Variants in BCL2 observed in about 807,000 individuals in gnomAD.
The protein encoded by BCL2 is BCL2 apoptosis regulator.
In BCL2, 1 loss-of-function variant was observed where a neutral mutation model predicts 14.2. The observed-to-expected ratio is 0.07, with a 90% CI of 0.02 to 0.33. The LOEUF is 0.33. BCL2 is among the 10% of genes least tolerant of loss of function. The probability of loss-of-function intolerance (pLI) is 0.99; values close to 1 mark genes in which losing one functional copy is unlikely to be tolerated. For missense variants in BCL2, 247 were observed against 305.9 expected (o/e 0.81, Z 1.44); for synonymous variants, 151 against 137.2 (o/e 1.10, Z -0.70).
chr18:63,260,885 G>C (rs911571365), intron 2 of BCL2, among the ~76,000 whole-genome samples: 1 of 152,124 alleles, frequency 6.6e-6, no homozygotes, highest in Non-Finnish European at 1.5e-5. Context: ...ATGATCTTTA[G>C]ATAAGAACAG....
chr18:63,154,397 C>T (rs1323891035), intron 2 of BCL2, among the ~76,000 whole-genome samples: 1 of 152,170 alleles, frequency 6.6e-6, no homozygotes, highest in Non-Finnish European at 1.5e-5. Flanking sequence ...TCTGCTAGAC[C>T]CACAAAGCAG....
At chr18:63,308,308 C>T (rs912067636) in intron 2 of BCL2, among the ~76,000 whole-genome samples, 1 of 152,168 alleles carries the variant, frequency 6.6e-6, no homozygotes, top group African/African-American at 2.4e-5. Flanking sequence ...GACTTTTGTG[C>T]TGCAGTTCTT....
intron 2 of BCL2, among the ~76,000 whole-genome samples, chr18:63,263,182 CG>C (rs962497984): frequency 1.3e-5 from 2 of 151,988 alleles, no homozygotes; most frequent in Admixed American, 6.6e-5. Context: ...ATTGGGTGTG[CG>C]GGGGGTGCAG....
intron 2 of BCL2, among the ~76,000 whole-genome samples, chr18:63,168,824 A>G (rs375038093): frequency 1.6e-4 from 25 of 152,192 alleles, no homozygotes; most frequent in African/African-American, 6.0e-4. Flanking sequence ...AGGAAGAGAA[A>G]AGGTGACCTG....
intron 2 of BCL2, among the ~76,000 whole-genome samples, chr18:63,178,284 A>G (rs1310255713): frequency 6.6e-6 from 1 of 152,226 alleles, no homozygotes. Flanking sequence ...CCGAGATGCC[A>G]AGAGACTAAA....
intron 2 of BCL2, among the ~76,000 whole-genome samples, chr18:63,266,629 T>A (rs1304454200): frequency 6.7e-6 from 1 of 148,898 alleles, no homozygotes; most frequent in African/African-American, 2.6e-5. Context: ...TCTCTCTCTC[T>A]CTCTCTCTCA....
intron 2 of BCL2, among the ~76,000 whole-genome samples, chr18:63,309,146 T>C (rs1913230009): frequency 6.6e-6 from 1 of 152,160 alleles, no homozygotes; most frequent in Admixed American, 6.5e-5. Flanking sequence ...CATGCAAGTC[T>C]ACAGATTACC....
intron 2 of BCL2, among the ~76,000 whole-genome samples, chr18:63,257,268 C>T (rs1911506519): frequency 6.6e-6 from 1 of 152,138 alleles, no homozygotes; most frequent in Admixed American, 6.5e-5. Flanking sequence ...GTCATGTGAT[C>T]AAACATTTAT....
chr18:63,296,456 C>G (rs931354269), intron 2 of BCL2, among the ~76,000 whole-genome samples: 2 of 152,190 alleles, frequency 1.3e-5, no homozygotes, highest in Non-Finnish European at 2.9e-5. Flanking sequence ...GCACACGCCA[C>G]CATGATTGGC....
chr18:63,179,665 C>T (rs548795120), intron 2 of BCL2, among the ~76,000 whole-genome samples: 3 of 152,168 alleles, frequency 2.0e-5, no homozygotes, highest in African/African-American at 7.2e-5. Context: ...GCAAAGGACT[C>T]AGTCTTTACC....
intron 2 of BCL2, among the ~76,000 whole-genome samples, chr18:63,234,187 C>A (rs554596311): frequency 2.6e-4 from 40 of 152,280 alleles, no homozygotes; most frequent in Non-Finnish European, 4.4e-4. Flanking sequence ...ATCAACCCAT[C>A]ACCTAGGTAT....
intron 2 of BCL2, among the ~76,000 whole-genome samples, chr18:63,255,827 T>TC (rs556113535): frequency 2.4e-3 from 323 of 133,810 alleles, no homozygotes; most frequent in South Asian, 5.3e-3. Context: ...GCTGCAGCCC[T>TC]CCCCCCCCGC....
chr18:63,302,480 TC>T (rs1912992309), intron 2 of BCL2: 4 of 985,378 alleles, frequency 4.1e-6, no homozygotes, highest in Non-Finnish European at 4.8e-6. Flanking sequence ...CTTTTTGGCT[TC>T]CTTATGAAAT....
chr18:63,155,437 G>C (rs1914753249), intron 2 of BCL2, among the ~76,000 whole-genome samples: 1 of 152,092 alleles, frequency 6.6e-6, no homozygotes, highest in Non-Finnish European at 1.5e-5. Context: ...TGTGCATTGC[G>C]TGGGGAGGGC....
At chr18:63,217,108 T>G (rs1044515321) in intron 2 of BCL2, among the ~76,000 whole-genome samples, 1 of 152,196 alleles carries the variant, frequency 6.6e-6, no homozygotes, top group African/African-American at 2.4e-5. Context: ...CTGAGGTAGT[T>G]TAGTAAATAA....
At chr18:63,169,420 T>TG (rs1915170265) in intron 2 of BCL2, among the ~76,000 whole-genome samples, 1 of 138,348 alleles carries the variant, frequency 7.2e-6, no homozygotes, top group African/African-American at 3.0e-5. Flanking sequence ...TCTCTCTCTC[T>TG]CTCTCTCTTT....
At chr18:63,180,085 T>G (rs1043568311) in intron 2 of BCL2, among the ~76,000 whole-genome samples, 35 of 152,228 alleles carry the variant, frequency 2.3e-4, no homozygotes, top group African/African-American at 7.7e-4. Context: ...TTCACCTGAT[T>G]AGGAAACCCT....
intron 2 of BCL2, among the ~76,000 whole-genome samples, chr18:63,289,765 A>C (rs913874308): frequency 6.6e-6 from 1 of 152,118 alleles, no homozygotes; most frequent in Non-Finnish European, 1.5e-5. Context: ...ATGGTGGTGC[A>C]TGCCTGTAAT....
At chr18:63,311,655 GT>G (rs1568266521) in intron 2 of BCL2, among the ~76,000 whole-genome samples, 2 of 152,176 alleles carry the variant, frequency 1.3e-5, no homozygotes, top group African/African-American at 4.8e-5. Flanking sequence ...TATCCCTGAA[GT>G]TGTGAAGGCA....
Sources: allele counts gnomAD v4.1 joint callset (sites outside exome capture counted in the v4.1 genomes callset), GRCh38; gene constraint gnomAD v4.1.1; transcripts MANE v1.5; gene names NCBI Gene and HGNC (gene_info 2026-07-23, HGNC 2026-07-21).